Variants in POLR3B observed in about 807,000 individuals in gnomAD.
The protein encoded by POLR3B is DNA-directed RNA polymerase III subunit RPC2.
In POLR3B, 96 loss-of-function variants were observed where a neutral mutation model predicts 147.4. That is an observed-to-expected ratio of 0.65 (90% confidence interval 0.55 to 0.77). POLR3B has a LOEUF of 0.77. Ranked by LOEUF, POLR3B falls within the 30% of genes least tolerant of loss-of-function variation. POLR3B has a pLI of 0.00. For missense variants in POLR3B, 1,036 were observed against 1,413.5 expected (o/e 0.73, Z 4.28); for synonymous variants, 461 against 485.9 (o/e 0.95, Z 0.67).
At chr12:106,372,338 T>TTTTG (rs1565875545) in intron 6 of POLR3B, among the ~76,000 whole-genome samples, 2 of 36,384 alleles carry the variant, frequency 5.5e-5, no homozygotes, top group Non-Finnish European at 5.1e-5. Context: ...TGTGTGTTTT[T>TTTTG]TTTTTTTTTT....
chr12:106,367,538 CT>C (rs2036551518), intron 4 of POLR3B, among the ~76,000 whole-genome samples: 1 of 152,170 alleles, frequency 6.6e-6, no homozygotes, highest in African/African-American at 2.4e-5. Flanking sequence ...GACATTGACA[CT>C]TTTGAACAAT....
chr12:106,416,382 A>C (rs1247855634), intron 12 of POLR3B, among the ~76,000 whole-genome samples: 1 of 152,216 alleles, frequency 6.6e-6, no homozygotes, highest in African/African-American at 2.4e-5. Flanking sequence ...AAGAATGAAC[A>C]CAGCGTCAGT....
At chr12:106,501,294 T>C (rs767088173) in intron 25 of POLR3B, 29 bp from the exon 26 acceptor site, 3 of 1,458,246 alleles carry the variant, frequency 2.1e-6, no homozygotes, top group Non-Finnish European at 2.9e-6. Context: ...CTTAGTTTCT[T>C]AACCCACAAC....
chr12:106,491,549 CTG>C (rs1432216648), intron 23 of POLR3B, among the ~76,000 whole-genome samples: 4 of 152,118 alleles, frequency 2.6e-5, no homozygotes, highest in African/African-American at 9.7e-5. Flanking sequence ...GAGTGTAAAA[CTG>C]TGCAGAATAA....
intron 10 of POLR3B, among the ~76,000 whole-genome samples, chr12:106,397,965 G>A (rs1014664406): frequency 1.3e-5 from 2 of 152,258 alleles, no homozygotes; most frequent in African/African-American, 4.8e-5. Context: ...TGAGATACCG[G>A]GTTCATCTCA....
intron 26 of POLR3B, 116 bp from the exon 27 acceptor site, chr12:106,503,965 A>T: frequency 1.1e-6 from 1 of 932,690 alleles, no homozygotes; most frequent in Non-Finnish European, 1.8e-6. Context: ...CCAGTTATTG[A>T]TTTGGATCCA....
intron 19 of POLR3B, among the ~76,000 whole-genome samples, chr12:106,451,633 C>T (rs11112999): frequency 3.9e-4 from 9 of 23,038 alleles, no homozygotes; most frequent in East Asian, 2.5e-3. Flanking sequence ...TAAAAAAAGG[C>T]GGGGGGGGAG....
At chr12:106,471,282 G>A (rs2038087401) in intron 23 of POLR3B, among the ~76,000 whole-genome samples, 1 of 152,174 alleles carries the variant, frequency 6.6e-6, no homozygotes, top group African/African-American at 2.4e-5. Context: ...AGGCACAGGA[G>A]GGGATCTCCT....
chr12:106,407,312 G>A (rs1338417940), intron 11 of POLR3B, among the ~76,000 whole-genome samples: 1 of 152,142 alleles, frequency 6.6e-6, no homozygotes, highest in Non-Finnish European at 1.5e-5. Context: ...ACTTTTCTAA[G>A]CTTCAGTTTT....
intron 23 of POLR3B, among the ~76,000 whole-genome samples, chr12:106,474,516 A>G (rs1445563194): frequency 7.7e-6 from 1 of 130,684 alleles, no homozygotes; most frequent in East Asian, 2.2e-4. Flanking sequence ...TGGTTGGTAA[A>G]CTATTGATTA....
chr12:106,358,346 G>A (rs569139084), intron 1 of POLR3B: 1 of 765,370 alleles, frequency 1.3e-6, no homozygotes, highest in African/African-American at 1.8e-5. Flanking sequence ...AGCCGGCTGT[G>A]GGGGTAAAAC....
rs1179053177 is a variant in POLR3B, at chr12:106,393,301, C to T, written c.846+148C>T. 7.4e-6 allele frequency: 9 copies of T among 1,224,458 alleles called. No homozygotes were observed. In the East Asian group the frequency reaches 1.6e-4, roughly 22 times the overall value. The allele number at this position is 1,224,458 out of a possible 1,614,324, so 75.8% of individuals were successfully genotyped here. On this transcript the variant is annotated intron_variant, in intron 10 of 27. Transcript: ENST00000228347. ...TATGGGAGGAGTGAAGTTTCTTTAA[C>T]TCACTTTCGTCAGGTTTGGAGGAAG...
intron 18 of POLR3B, among the ~76,000 whole-genome samples, chr12:106,440,217 C>T (rs2137012156): frequency 6.6e-6 from 1 of 152,300 alleles, no homozygotes; most frequent in Admixed American, 6.5e-5. Context: ...ATCCCTAGCT[C>T]ATCACATGAG....
At chr12:106,405,735 G>C in intron 10 of POLR3B, 122 bp from the exon 11 acceptor site, 3 of 933,960 alleles carry the variant, frequency 3.2e-6, no homozygotes, top group Non-Finnish European at 5.2e-6. Flanking sequence ...ACTAGACCCA[G>C]TACAGCTTTC....
Position 106,426,851 on chromosome 12 carries a change from C to G in POLR3B, c.1102-346C>G, listed in dbSNP as rs990973055. ...TTCTTCTCCACCGTCCCCCCCCCCC[C>G]CCCCCGTCCTTTTTGGTTTTAATAT... On this transcript the variant is annotated intron_variant, in intron 12 of 27. Transcript: ENST00000228347. Among the ~76,000 whole-genome samples the G allele has an allele frequency of 2.8e-5, 3 of 107,572 alleles. 1 individual carries two copies. Among genetic ancestry groups the G allele is most frequent in the African/African-American group, 7.3e-5 (2 of 27,512 alleles). The allele number at this position is 107,572 out of a possible 152,430, so 70.6% of individuals were successfully genotyped here.
At chr12:106,459,457 G>A in intron 22 of POLR3B, 89 bp downstream of exon 22, 1 of 791,172 alleles carries the variant, frequency 1.3e-6, no homozygotes, top group Non-Finnish European at 2.3e-6. Flanking sequence ...TTGGCGTGTT[G>A]GAGAACTAGA....
In POLR3B at chr12:106,357,784, C is replaced by T. The variant is rs1056127610; in HGVS notation, c.-96C>T. ...ACACGCACGGCGGGGACAGTTTAGG[C>T]CTCCGCGCACCGTTCGCCGGGAGTC... On this transcript the variant is annotated 5_prime_UTR_variant, in exon 1 of 28. Transcript: ENST00000228347. The T allele has an allele frequency of 8.1e-7, 1 of 1,231,230 alleles. No homozygotes were observed. The highest frequency in any genetic ancestry group is 2.5e-5 in the East Asian group (1 of 40,036). 76.3% of individuals were successfully genotyped at this position (1,231,230 alleles called of 1,614,324 possible).
chr12:106,504,032 G>A lies in POLR3B; in HGVS notation c.3099-49G>A. ...TGCCAGCATGTGATGCTACCTCTTT[G>A]TTTGTTTAACAGAATAATAACACAT... is the stretch of plus-strand genomic sequence containing the variant. On this transcript the variant is annotated intron_variant, in intron 26 of 27. Coordinates refer to ENST00000228347, the MANE Select transcript of POLR3B (RefSeq NM_018082.6). This position sits in a 1 kb window ranked among gnomAD's most constrained non-coding sequence, Gnocchi z 4.6. 1.3e-6 allele frequency: 2 copies of A among 1,562,220 alleles called. No homozygotes were observed. The highest frequency in any genetic ancestry group is 1.8e-6 in the Non-Finnish European group (2 of 1,133,006).
chr12:106,369,485 TG>T, intron 5 of POLR3B, 97 bp from the exon 6 acceptor site: 2 of 974,150 alleles, frequency 2.1e-6, no homozygotes, highest in Non-Finnish European at 3.4e-6. Flanking sequence ...TAAAGTTCAA[TG>T]TGGACCATAA....
Sources: allele counts gnomAD v4.1 joint callset (sites outside exome capture counted in the v4.1 genomes callset), GRCh38; gene constraint gnomAD v4.1.1; non-coding constraint Gnocchi (gnomAD v3.1); transcripts MANE v1.5; gene names NCBI Gene and HGNC (gene_info 2026-07-23, HGNC 2026-07-21).